IL18R1: variants seen among roughly 807,000 people sequenced by gnomAD.
IL18R1 encodes interleukin-18 receptor 1.
A neutral mutation model predicts 48.5 loss-of-function variants in IL18R1; 40 were observed. The ratio of observed to expected loss-of-function variants is 0.82; its 90% CI spans 0.64 to 1.07. The LOEUF is 1.07. Among genes scored for constraint, IL18R1 ranks in the 50% least tolerant of loss-of-function variants. The pLI, the probability that IL18R1 is intolerant of heterozygous loss-of-function variation, is 0.00. For synonymous variants in IL18R1, 232 were observed against 225.9 expected (o/e 1.03, Z -0.24); for missense variants, 596 against 633.7 (o/e 0.94, Z 0.64).
intron 4 of IL18R1, among the ~76,000 whole-genome samples, chr2:102,374,651 G>C (rs1197836039): frequency 2.0e-5 from 3 of 152,038 alleles, no homozygotes; most frequent in Non-Finnish European, 4.4e-5. Flanking sequence ...GGTGGCACAT[G>C]CCTGTAGTCC....
rs1474439870 is a variant in IL18R1 at position 102,398,668 on chromosome 2, G to C, written c.*1782G>C. 6.6e-6 allele frequency: 1 copy of C among 152,244 alleles called. No homozygotes were observed. Among genetic ancestry groups the C allele is most frequent in the Non-Finnish European group, 1.5e-5 (1 of 68,016 alleles). 9.4% of individuals were successfully genotyped at this position (152,244 alleles called of 1,614,324 possible). A position where few individuals can be genotyped will look rare whatever the true frequency, so the allele number is the denominator to read the frequency against. On this transcript the variant is annotated 3_prime_UTR_variant, in exon 11 of 11. Transcript: ENST00000233957. Reference sequence around the variant, plus strand: ...TTATTATACTTGCTTTAAAATACTTGAAATATATTTTGCATTAAATGCATT... The same window carrying C: ...TTATTATACTTGCTTTAAAATACTTCAAATATATTTTGCATTAAATGCATT...
At position 102,375,972 on chromosome 2, in the gene IL18R1, A is replaced by C. The variant is rs1234781890; in HGVS notation, c.534A>C (p.Glu178Asp). 1.2e-6 allele frequency: 2 copies of C among 1,607,758 alleles called. No individual in the cohort carries two copies. Among genetic ancestry groups the C allele is most frequent in the Admixed American group, 1.7e-5 (1 of 58,664 alleles). Residue 178 changes from glutamate (E) to aspartate (D), a missense_variant, in exon 5 of 11, where the codon GAA becomes GAC. Transcript: ENST00000233957. ...NPTIKKNAEF[E>D]DQGYYSCVHF... ...CGATAAAGAAGAACGCCGAGTTTGA[A>C]GATCAGGGGTATTACTCCTGCGTGC...
chr2:102,395,189 T>C (rs577522916), intron 10 of IL18R1, among the ~76,000 whole-genome samples: 2 of 152,044 alleles, frequency 1.3e-5, no homozygotes, highest in African/African-American at 2.4e-5. Flanking sequence ...ATGTTTTTTT[T>C]ATTAATATAG....
intron 5 of IL18R1, among the ~76,000 whole-genome samples, chr2:102,376,967 A>T (rs1679624887): frequency 2.6e-5 from 4 of 152,180 alleles, no homozygotes; most frequent in African/African-American, 9.7e-5. Context: ...TGCCTTCAAG[A>T]ATTTCACAGA....
intron 7 of IL18R1, 64 bp downstream of exon 7, chr2:102,385,062 A>G (rs2105105349): frequency 1.2e-6 from 1 of 853,290 alleles, no homozygotes; most frequent in South Asian, 2.2e-5. Context: ...ATTATATATA[A>G]CATCATATTA....
chr2:102,368,207 T>C, intron 3 of IL18R1, 139 bp downstream of exon 3: 2 of 965,240 alleles, frequency 2.1e-6, no homozygotes, highest in Non-Finnish European at 3.2e-6. Flanking sequence ...ATGAAATACA[T>C]TCTTTGTTAT....
intron 2 of IL18R1, among the ~76,000 whole-genome samples, chr2:102,365,419 G>A (rs966400019): frequency 1.3e-5 from 2 of 152,198 alleles, no homozygotes; most frequent in African/African-American, 2.4e-5. Context: ...TGCTGCAAGA[G>A]GTAGGATCCC....
Position 102,377,036 on chromosome 2 carries a change from T to C in IL18R1, c.625+973T>C, listed in dbSNP as rs117607134. Among the ~76,000 whole-genome samples, 3 of 152,384 alleles carry C rather than the reference T, an allele frequency of 2.0e-5. No individual in the cohort carries two copies. In the East Asian group the frequency reaches 5.8e-4, roughly 29 times the overall value. ...TTTCGTGATTTGAAGACAGGTTGCT[T>C]ATCCAGTCTGGATTTTTTTCCCCAT... On this transcript the variant is annotated intron_variant, in intron 5 of 10. Coordinates refer to ENST00000233957, the MANE Select transcript of IL18R1 (RefSeq NM_003855.5).
chr2:102,376,207 C>A, intron 5 of IL18R1, 144 bp downstream of exon 5: 2 of 545,410 alleles, frequency 3.7e-6, no homozygotes, highest in Non-Finnish European at 3.0e-6. Flanking sequence ...TGGTCAAAAT[C>A]TTCATTCTGG....
In IL18R1 at chr2:102,355,974, G is replaced by T. The variant is rs1353094242; in HGVS notation, c.-455G>T. ...GGAGCCGGTCCTGGAGCACGGCTGC[G>T]AGGAGCACCCGGACCGGAGGGTCCC... On this transcript the variant is annotated 5_prime_UTR_variant, in exon 1 of 11. Coordinates refer to ENST00000233957, the MANE Select transcript of IL18R1 (RefSeq NM_003855.5). The T allele has an allele frequency of 1.3e-5, 2 of 152,258 alleles. No individual in the cohort carries two copies. Among genetic ancestry groups the T allele is most frequent in the African/African-American group, 4.8e-5 (2 of 41,446 alleles). 9.4% of individuals were successfully genotyped at this position (152,258 alleles called of 1,614,324 possible).
intron 1 of IL18R1, among the ~76,000 whole-genome samples, chr2:102,359,683 G>A (rs879808323): frequency 7.2e-5 from 11 of 151,986 alleles, no homozygotes; most frequent in Non-Finnish European, 1.5e-4. Context: ...GGGTGTGGTC[G>A]ATAGATGCTG....
rs11465569 is a variant in IL18R1, at chr2:102,362,681, C to G, written c.21C>G (p.Pro7=). MNCREL[P]LTLWVLISVS... is the part of the protein sequence containing the mutation. ...AAACCATGAATTGTAGAGAATTACC[C>G]TTGACCCTTTGGGTGCTTATATCTG... The change falls in exon 2 of 11, where the codon CCC becomes CCG. Residue 7 remains proline (P), a synonymous_variant. Coordinates refer to ENST00000233957, the MANE Select transcript of IL18R1 (RefSeq NM_003855.5). 4,350 of 1,607,994 alleles carry G rather than the reference C, an allele frequency of 2.7e-3. 104 individuals carry two copies. In the African/African-American group the frequency reaches 0.051, roughly 19 times the overall value.
chr2:102,373,549 C>A (rs1252215950), intron 4 of IL18R1, among the ~76,000 whole-genome samples: 1 of 151,866 alleles, frequency 6.6e-6, no homozygotes, highest in Non-Finnish European at 1.5e-5. Context: ...CACCATGGCA[C>A]GTGTATACCT....
intron 1 of IL18R1, 47 bp from the exon 2 acceptor site, chr2:102,362,586 C>T (rs1382398070): frequency 4.5e-6 from 6 of 1,335,102 alleles, no homozygotes; most frequent in Non-Finnish European, 6.2e-6. Context: ...GATAGGCACA[C>T]TTTTGTTTGA....
intron 10 of IL18R1, 103 bp downstream of exon 10, chr2:102,394,730 G>A: frequency 8.1e-6 from 8 of 983,928 alleles, no homozygotes; most frequent in Non-Finnish European, 1.2e-5. Flanking sequence ...AAAAACAAAT[G>A]AATAAGGTCC....
At chr2:102,389,098 C>T (rs1361116278) in intron 8 of IL18R1, among the ~76,000 whole-genome samples, 1 of 151,932 alleles carries the variant, frequency 6.6e-6, no homozygotes, top group Non-Finnish European at 1.5e-5. Flanking sequence ...CATGTATACA[C>T]TTATACATAT....
intron 2 of IL18R1, among the ~76,000 whole-genome samples, chr2:102,365,289 A>C (rs1172212197): frequency 2.0e-5 from 3 of 152,190 alleles, no homozygotes; most frequent in African/African-American, 7.2e-5. Flanking sequence ...AATGGGAGAA[A>C]TTGACTAAAA....
chr2:102,394,903 G>C (rs1050517574), intron 10 of IL18R1, among the ~76,000 whole-genome samples: 2 of 152,194 alleles, frequency 1.3e-5, no homozygotes, highest in Non-Finnish European at 2.9e-5. Context: ...CGGGCCCAGA[G>C]CTGGCGTTAT....
intron 6 of IL18R1, among the ~76,000 whole-genome samples, chr2:102,382,429 A>G (rs1679973338): frequency 6.6e-6 from 1 of 152,170 alleles, no homozygotes; most frequent in Non-Finnish European, 1.5e-5. Flanking sequence ...TTGTCTAGAT[A>G]AGTCTTATGA....
Sources: gnomAD v4.1 joint callset for allele counts (sites outside exome capture counted in the v4.1 genomes callset) on GRCh38, gnomAD v4.1.1 for gene constraint, MANE v1.5 for transcripts, NCBI Gene and HGNC (gene_info 2026-07-23, HGNC 2026-07-21) for gene names.